TBC1D5: variants seen among roughly 807,000 people sequenced by gnomAD.
TBC1D5 encodes TBC1 domain family, member 5.
In TBC1D5, 75 loss-of-function variants were observed where a neutral mutation model predicts 100.3. The ratio of observed to expected loss-of-function variants is 0.75; its 90% confidence interval spans 0.62 to 0.91. The LOEUF (loss-of-function observed/expected upper bound fraction) is 0.91, where lower values mean the gene tolerates loss of function less well. Ranked by LOEUF, TBC1D5 falls within the 40% of genes least tolerant of loss-of-function variation. The probability of loss-of-function intolerance (pLI) is 0.00; values close to 1 mark genes in which losing one functional copy is unlikely to be tolerated. For synonymous variants in TBC1D5, 323 were observed against 325.6 expected (o/e 0.99, Z 0.09); for missense variants, 910 against 942.4 (o/e 0.97, Z 0.45).
At chr3:17,165,602 C>A (rs2066517723) in intron 21 of TBC1D5, among the ~76,000 whole-genome samples, 1 of 152,028 alleles carries the variant, frequency 6.6e-6, no homozygotes, top group Non-Finnish European at 1.5e-5. Flanking sequence ...GGAAGAGCAC[C>A]CTTAAAACTG....
At chr3:17,608,880 AT>A (rs557114227) in intron 2 of TBC1D5, among the ~76,000 whole-genome samples, 74 of 152,148 alleles carry the variant, frequency 4.9e-4, no homozygotes, top group Non-Finnish European at 8.2e-4. Flanking sequence ...AACCAGCCCA[AT>A]TTACTTAAGA....
intron 15 of TBC1D5, among the ~76,000 whole-genome samples, chr3:17,290,854 A>G (rs765862678): frequency 1.3e-5 from 2 of 152,352 alleles, no homozygotes; most frequent in South Asian, 4.1e-4. Flanking sequence ...TGTGTAAGAG[A>G]AATGATATGA....
At chr3:17,738,399 A>T (rs148289916) in intron 1 of TBC1D5, among the ~76,000 whole-genome samples, 3,146 of 151,164 alleles carry the variant, frequency 0.021, 97 homozygotes, top group African/African-American at 0.071. Context: ...ACACACACAC[A>T]CACTCTCTCT....
At chr3:17,680,886 C>T (rs2069358548) in intron 1 of TBC1D5, among the ~76,000 whole-genome samples, 1 of 151,390 alleles carries the variant, frequency 6.6e-6, no homozygotes, top group East Asian at 1.9e-4. Flanking sequence ...AATTCAAATA[C>T]ATGCCAAATT....
chr3:17,363,367 A>G (rs1219948527), intron 13 of TBC1D5, among the ~76,000 whole-genome samples: 1 of 152,138 alleles, frequency 6.6e-6, no homozygotes, highest in East Asian at 1.9e-4. Flanking sequence ...CTAAATGATT[A>G]TATCAACATT....
chr3:17,187,670 A>G (rs2069306220), intron 18 of TBC1D5, among the ~76,000 whole-genome samples: 1 of 152,240 alleles, frequency 6.6e-6, no homozygotes, highest in South Asian at 2.1e-4. Flanking sequence ...GCATGAGGAA[A>G]CATAAGTTCT....
intron 15 of TBC1D5, among the ~76,000 whole-genome samples, chr3:17,278,557 A>T (rs1347646584): frequency 6.6e-6 from 1 of 152,186 alleles, no homozygotes; most frequent in Non-Finnish European, 1.5e-5. Flanking sequence ...AACAGTAGTG[A>T]TATGATTCAA....
intron 19 of TBC1D5, among the ~76,000 whole-genome samples, chr3:17,180,585 C>T (rs2068328526): frequency 6.6e-6 from 1 of 152,164 alleles, no homozygotes; most frequent in African/African-American, 2.4e-5. Context: ...AAATGGAATA[C>T]TATTCAGCCA....
intron 6 of TBC1D5, 27 bp downstream of exon 6, chr3:17,404,845 C>T (rs550000221): frequency 6.4e-7 from 1 of 1,555,638 alleles, no homozygotes; most frequent in South Asian, 1.2e-5. Flanking sequence ...AAAACAATTA[C>T]ATTAATTAAA....
intron 1 of TBC1D5, among the ~76,000 whole-genome samples, chr3:17,694,149 A>G (rs2071623021): frequency 6.6e-6 from 1 of 152,254 alleles, no homozygotes; most frequent in African/African-American, 2.4e-5. Context: ...AAACCAGAGC[A>G]GAAAAGCTGA....
At chr3:17,384,312 A>G (rs1446324928) in intron 8 of TBC1D5, among the ~76,000 whole-genome samples, 1 of 152,096 alleles carries the variant, frequency 6.6e-6, no homozygotes, top group Non-Finnish European at 1.5e-5. Context: ...ACGTGTCTGC[A>G]GATGGGGAGT....
At chr3:17,214,259 C>G (rs773259283) in exon 18 of TBC1D5, 1 of 1,613,408 alleles carries the variant, frequency 6.2e-7, no homozygotes, top group South Asian at 1.1e-5. Context: ...TGAGATGTTG[C>G]TAAAAAAGGA....
At chr3:17,440,064 C>T (rs11128829) in intron 3 of TBC1D5, among the ~76,000 whole-genome samples, 13,876 of 152,190 alleles carry the variant, frequency 0.091, 1,430 homozygotes, top group African/African-American at 0.26. Flanking sequence ...GACGTTATAG[C>T]GGTAAGCCAA....
intron 2 of TBC1D5, among the ~76,000 whole-genome samples, chr3:17,591,558 T>C (rs1560229119): frequency 6.6e-6 from 1 of 152,156 alleles, no homozygotes; most frequent in African/African-American, 2.4e-5. Context: ...TTCATTGTGG[T>C]CCTCCAGTTA....
intron 9 of TBC1D5, among the ~76,000 whole-genome samples, chr3:17,379,376 A>G (rs968569606): frequency 3.9e-5 from 6 of 152,056 alleles, no homozygotes; most frequent in Non-Finnish European, 7.4e-5. Context: ...ATATTTTATA[A>G]CAAGTTATGG....
intron 3 of TBC1D5, among the ~76,000 whole-genome samples, chr3:17,484,492 G>GTGTGTGTGTGT (rs2095537142): frequency 6.7e-6 from 1 of 148,296 alleles, no homozygotes; most frequent in African/African-American, 2.5e-5. Flanking sequence ...GTGTGTGTTT[G>GTGTGTGTGTGT]GGTAACAATC....
At chr3:17,213,515 C>T (rs1209983363) in intron 18 of TBC1D5, among the ~76,000 whole-genome samples, 1 of 151,844 alleles carries the variant, frequency 6.6e-6, no homozygotes, top group African/African-American at 2.4e-5. Context: ...TCTGTAATCC[C>T]AGCATTTTGG....
intron 13 of TBC1D5, among the ~76,000 whole-genome samples, chr3:17,345,136 T>C (rs1157183312): frequency 2.6e-5 from 4 of 151,824 alleles, no homozygotes; most frequent in Non-Finnish European, 4.4e-5. Context: ...ACAGGCAACC[T>C]ACAAAATGGG....
Position 17,501,471 on chromosome 3 carries a change from A to G in TBC1D5, c.97+7003T>C, listed in dbSNP as rs564022072. ...TTAGATTATTAGGAATCACTGTGAA[A>G]AGTTTGCCGCCACCCTCACCATCCC... On this transcript the variant is annotated intron_variant, in intron 3 of 21. Transcript: ENST00000253692. 7.4e-5 allele frequency among the ~76,000 whole-genome samples: 11 copies of G among 149,154 alleles called. No individual in the cohort carries two copies. The South Asian group carries it at 2.3e-3, about 32-fold the overall frequency.
Sources: gnomAD v4.1 joint callset for allele counts (sites outside exome capture counted in the v4.1 genomes callset) on GRCh38, gnomAD v4.1.1 for gene constraint, MANE v1.5 for transcripts, NCBI Gene and HGNC (gene_info 2026-07-23, HGNC 2026-07-21) for gene names.